Variants in SGCD observed in about 807,000 individuals in gnomAD.
SGCD encodes delta-sarcoglycan.
SGCD carries 18 observed loss-of-function variants against 36.6 expected under a neutral mutation model. The observed-to-expected ratio is 0.49, with a 90% confidence interval of 0.34 to 0.73. SGCD has a LOEUF of 0.73. Among genes scored for constraint, SGCD ranks in the 30% least tolerant of loss-of-function variants. The probability of loss-of-function intolerance (pLI) is 0.01; values close to 1 mark genes in which losing one functional copy is unlikely to be tolerated. For synonymous variants in SGCD, 133 were observed against 130.6 expected (o/e 1.02, Z -0.12); for missense variants, 387 against 346.7 (o/e 1.12, Z -0.92).
At chr5:155,826,270 C>T in the SGCD span, among the ~76,000 whole-genome samples, 3 of 152,218 alleles carry the variant, frequency 2.0e-5, no homozygotes, top group East Asian at 1.9e-4. Flanking sequence ...TGTTGCCACT[C>T]TTTCAGGCTC....
intron 1 of SGCD, among the ~76,000 whole-genome samples, chr5:156,003,151 T>A (rs1254564281): frequency 6.6e-6 from 1 of 152,188 alleles, no homozygotes; most frequent in Non-Finnish European, 1.5e-5. Flanking sequence ...GTCCCTCTAA[T>A]AGGATGCTAT....
At chr5:156,242,579 T>C (rs1765332073) in intron 3 of SGCD, among the ~76,000 whole-genome samples, 1 of 152,208 alleles carries the variant, frequency 6.6e-6, no homozygotes, top group Non-Finnish European at 1.5e-5. Flanking sequence ...AGATGTTTCT[T>C]TGTGGGGAAA....
chr5:155,972,207 C>T (rs1758019190), intron 1 of SGCD, among the ~76,000 whole-genome samples: 1 of 152,154 alleles, frequency 6.6e-6, no homozygotes, highest in South Asian at 2.1e-4. Flanking sequence ...GTCGAAAAGT[C>T]AAACAGTACA....
At chr5:156,700,000 AG>A (rs1202697536) in intron 7 of SGCD, among the ~76,000 whole-genome samples, 1 of 151,366 alleles carries the variant, frequency 6.6e-6, no homozygotes, top group African/African-American at 2.4e-5. Flanking sequence ...AGACAAAAGA[AG>A]GCATGAAGAA....
intron 1 of SGCD, among the ~76,000 whole-genome samples, chr5:156,047,416 A>G (rs551811279): frequency 6.6e-6 from 1 of 152,254 alleles, no homozygotes; most frequent in South Asian, 2.1e-4. Context: ...GCCTGGCCTC[A>G]TTGCTTCAAA....
At chr5:156,392,145 T>G (rs1052590811) in intron 3 of SGCD, among the ~76,000 whole-genome samples, 1 of 152,226 alleles carries the variant, frequency 6.6e-6, no homozygotes, top group African/African-American at 2.4e-5. Flanking sequence ...CTTGCAGCAT[T>G]ACATTATCAT....
intron 3 of SGCD, among the ~76,000 whole-genome samples, chr5:156,366,345 A>T (rs1403330310): frequency 1.3e-5 from 2 of 152,208 alleles, no homozygotes; most frequent in Non-Finnish European, 2.9e-5. Flanking sequence ...GGGCAGGGTC[A>T]TTGTGATTTC....
chr5:156,030,510 C>A (rs994750327), intron 1 of SGCD, among the ~76,000 whole-genome samples: 3 of 152,194 alleles, frequency 2.0e-5, no homozygotes, highest in Admixed American at 1.3e-4. Context: ...CACACCAACA[C>A]CTTGATTCCA....
At chr5:155,893,739 TAAC>T (rs1319745507) in intron 1 of SGCD, among the ~76,000 whole-genome samples, 1 of 152,244 alleles carries the variant, frequency 6.6e-6, no homozygotes, top group African/African-American at 2.4e-5. Context: ...ATGTGCCACT[TAAC>T]AACAGGAATA....
the SGCD span, among the ~76,000 whole-genome samples, chr5:155,734,094 A>C: frequency 6.8e-6 from 1 of 147,320 alleles, no homozygotes; most frequent in Admixed American, 6.8e-5. Flanking sequence ...ATAATATAAT[A>C]ATATTATTAA....
At chr5:155,977,578 C>A (rs1389395767) in intron 1 of SGCD, among the ~76,000 whole-genome samples, 16 of 152,182 alleles carry the variant, frequency 1.1e-4, no homozygotes, top group Admixed American at 1.0e-3. Flanking sequence ...GAGGACTAGA[C>A]TATTTCACCC....
chr5:156,171,519 G>C (rs189654388), intron 3 of SGCD, among the ~76,000 whole-genome samples: 251 of 152,260 alleles, frequency 1.6e-3, no homozygotes, highest in Non-Finnish European at 2.4e-3. Flanking sequence ...AAGGACATTA[G>C]TTAGACATAT....
the SGCD span, among the ~76,000 whole-genome samples, chr5:155,843,659 TAGAAG>T: frequency 6.6e-6 from 1 of 152,204 alleles, no homozygotes; most frequent in African/African-American, 2.4e-5. Context: ...AAGAACAATA[TAGAAG>T]AGGAGAGGTA....
intron 3 of SGCD, among the ~76,000 whole-genome samples, chr5:156,442,722 TTTTA>T (rs1310761925): frequency 6.6e-6 from 1 of 152,240 alleles, no homozygotes; most frequent in Non-Finnish European, 1.5e-5. Flanking sequence ...ATGCTTTGAA[TTTTA>T]TTTAAGTTAA....
In SGCD at chr5:156,475,808, C is replaced by T. The variant is rs565035072; in HGVS notation, c.193-32793C>T. ...CTATTAGAATACTAGAGGATCAGGA[C>T]AGGGTCCCAAAAGAGGAGCTATGAA... On this transcript the variant is annotated intron_variant, in intron 3 of 8. Transcript: ENST00000337851. Among the ~76,000 whole-genome samples, 25 of 152,286 alleles carry T rather than the reference C, an allele frequency of 1.6e-4. No homozygotes were observed. In the South Asian group the frequency reaches 5.2e-3, roughly 32 times the overall value.
intron 3 of SGCD, among the ~76,000 whole-genome samples, chr5:156,457,130 T>C (rs1286352245): frequency 6.6e-6 from 1 of 152,212 alleles, no homozygotes; most frequent in African/African-American, 2.4e-5. Flanking sequence ...TGAAAATCTT[T>C]GTTTATTGTA....
intron 5 of SGCD, among the ~76,000 whole-genome samples, chr5:156,589,731 G>A (rs1169686855): frequency 6.6e-6 from 1 of 152,156 alleles, no homozygotes; most frequent in African/African-American, 2.4e-5. Flanking sequence ...GGCTGTGAAA[G>A]GGATTTTTAA....
intron 3 of SGCD, among the ~76,000 whole-genome samples, chr5:156,388,589 C>A (rs1425471640): frequency 6.6e-6 from 1 of 152,170 alleles, no homozygotes; most frequent in East Asian, 1.9e-4. Context: ...AGTCTGAAGA[C>A]CCCAAAGTGC....
chr5:156,656,170 A>T (rs1763668053), intron 7 of SGCD, among the ~76,000 whole-genome samples: 1 of 152,190 alleles, frequency 6.6e-6, no homozygotes, highest in Non-Finnish European at 1.5e-5. Context: ...GTTCACAGTC[A>T]GCTAATATGC....
Sources: gnomAD v4.1 joint callset for allele counts (sites outside exome capture counted in the v4.1 genomes callset) on GRCh38, gnomAD v4.1.1 for gene constraint, MANE v1.5 for transcripts, NCBI Gene and HGNC (gene_info 2026-07-23, HGNC 2026-07-21) for gene names.